ENOX1: variants seen among roughly 807,000 people sequenced by gnomAD.
The protein encoded by ENOX1 is candidate growth-related and time keeping constitutive hydroquinone (NADH) oxidase.
In ENOX1, 42 loss-of-function variants were observed where a neutral mutation model predicts 82.5. That is an observed-to-expected ratio of 0.51 (90% CI 0.40 to 0.66). ENOX1 has a LOEUF of 0.66. ENOX1 is among the 30% of genes least tolerant of loss of function. ENOX1 has a pLI of 0.00. For synonymous variants in ENOX1, 271 were observed against 282.2 expected (o/e 0.96, Z 0.40); for missense variants, 608 against 811.6 (o/e 0.75, Z 3.05).
At chr13:43,739,789 A>C (rs2089813989) in intron 1 of ENOX1, among the ~76,000 whole-genome samples, 1 of 151,878 alleles carries the variant, frequency 6.6e-6, no homozygotes, top group South Asian at 2.1e-4. Context: ...CATGGGTCTG[A>C]ACTGCACGGG....
intron 9 of ENOX1, among the ~76,000 whole-genome samples, chr13:43,336,101 A>G (rs1276511308): frequency 6.6e-6 from 1 of 152,252 alleles, no homozygotes; most frequent in African/African-American, 2.4e-5. Context: ...TGCTACAGAC[A>G]TGGGCAAACA....
At chr13:43,627,490 G>A (rs1399005076) in intron 2 of ENOX1, among the ~76,000 whole-genome samples, 1 of 151,950 alleles carries the variant, frequency 6.6e-6, no homozygotes, top group African/African-American at 2.4e-5. Context: ...CATTTTATCA[G>A]TTTGAGTGAA....
chr13:43,720,633 A>G (rs985505757), intron 1 of ENOX1, among the ~76,000 whole-genome samples: 4 of 152,208 alleles, frequency 2.6e-5, no homozygotes. Context: ...ATTTTCAAGA[A>G]CTTTATTTTT....
intron 5 of ENOX1, among the ~76,000 whole-genome samples, chr13:43,381,978 C>G (rs1566082054): frequency 6.6e-6 from 1 of 152,006 alleles, no homozygotes; most frequent in Non-Finnish European, 1.5e-5. Flanking sequence ...ACAAACTCTT[C>G]CAGAAAATTA....
At chr13:43,470,728 T>C (rs1041827914) in intron 3 of ENOX1, among the ~76,000 whole-genome samples, 23 of 151,852 alleles carry the variant, frequency 1.5e-4, no homozygotes, top group African/African-American at 4.4e-4. Flanking sequence ...ATGAACACTT[T>C]ACAGAGAAAA....
chr13:43,255,520 A>G (rs570759320), intron 14 of ENOX1, among the ~76,000 whole-genome samples: 26 of 152,304 alleles, frequency 1.7e-4, no homozygotes, highest in Admixed American at 1.4e-3. Context: ...ATGATCTTAT[A>G]TTTAGAAAAC....
At chr13:43,678,843 C>G (rs1215025041) in intron 1 of ENOX1, among the ~76,000 whole-genome samples, 2 of 152,140 alleles carry the variant, frequency 1.3e-5, no homozygotes, top group Non-Finnish European at 2.9e-5. Flanking sequence ...TAAGACCAAC[C>G]TTGATAATGG....
chr13:43,712,608 A>T (rs1376066819), intron 1 of ENOX1, among the ~76,000 whole-genome samples: 1 of 149,794 alleles, frequency 6.7e-6, no homozygotes, highest in Non-Finnish European at 1.5e-5. Context: ...GGTGGTTTGT[A>T]GTTCTCCTTG....
At chr13:43,616,923 T>TAAAC (rs899660134) in intron 2 of ENOX1, among the ~76,000 whole-genome samples, 10 of 17,184 alleles carry the variant, frequency 5.8e-4, no homozygotes, top group Non-Finnish European at 1.7e-3. Flanking sequence ...GTAAAACAAG[T>TAAAC]AAACACACAC....
intron 1 of ENOX1, among the ~76,000 whole-genome samples, chr13:43,743,613 C>T (rs1305136820): frequency 1.3e-5 from 2 of 152,144 alleles, no homozygotes; most frequent in African/African-American, 4.8e-5. Flanking sequence ...TTTGAAGAGA[C>T]TTGATCTTCC....
At chr13:43,670,925 T>A (rs954819974) in intron 1 of ENOX1, among the ~76,000 whole-genome samples, 1 of 152,052 alleles carries the variant, frequency 6.6e-6, no homozygotes, top group Non-Finnish European at 1.5e-5. Context: ...ATAATGCATT[T>A]TGAAAATTTC....
intron 2 of ENOX1, among the ~76,000 whole-genome samples, chr13:43,632,350 A>G (rs2083251728): frequency 6.6e-6 from 1 of 151,838 alleles, no homozygotes; most frequent in East Asian, 1.9e-4. Flanking sequence ...AAAATCATAT[A>G]TATTCATCAA....
chr13:43,640,884 GCACACACA>G (rs1566688826), intron 2 of ENOX1, among the ~76,000 whole-genome samples: 160 of 132,494 alleles, frequency 1.2e-3, no homozygotes, highest in Non-Finnish European at 2.1e-3. Flanking sequence ...ACACACACGC[GCACACACA>G]CACGTACACA....
intron 2 of ENOX1, among the ~76,000 whole-genome samples, chr13:43,501,468 A>G (rs1483706431): frequency 3.3e-5 from 5 of 151,782 alleles, no homozygotes; most frequent in African/African-American, 1.2e-4. Flanking sequence ...CATTGTTCTC[A>G]AGTGCATATA....
chr13:43,781,869 A>C (rs1348090070), intron 1 of ENOX1, among the ~76,000 whole-genome samples: 2 of 152,212 alleles, frequency 1.3e-5, no homozygotes, highest in Admixed American at 1.3e-4. Flanking sequence ...ATGTGGAAGT[A>C]TATGTGTACC....
chr13:43,254,435 T>C (rs928482912), intron 14 of ENOX1, among the ~76,000 whole-genome samples: 3 of 152,318 alleles, frequency 2.0e-5, no homozygotes, highest in Middle Eastern at 3.4e-3. Context: ...ATGGGCTGTT[T>C]ATTTCATTAT....
At chr13:43,530,419 T>A (rs930012723) in intron 2 of ENOX1, among the ~76,000 whole-genome samples, 3 of 152,104 alleles carry the variant, frequency 2.0e-5, no homozygotes, top group Admixed American at 6.6e-5. Context: ...TTTCTTCACA[T>A]AGAGCTAGCT....
chr13:43,749,019 A>T (rs1004561926), intron 1 of ENOX1, among the ~76,000 whole-genome samples: 4 of 152,198 alleles, frequency 2.6e-5, no homozygotes, highest in Non-Finnish European at 5.9e-5. Flanking sequence ...TATCTATGCC[A>T]TAGGGTTGTT....
intron 2 of ENOX1, among the ~76,000 whole-genome samples, chr13:43,505,590 T>C (rs1205205765): frequency 6.6e-6 from 1 of 152,004 alleles, no homozygotes; most frequent in African/African-American, 2.4e-5. Flanking sequence ...TCGCCCACTT[T>C]TTGATGGGGT....
Sources: gnomAD v4.1 joint callset for allele counts (sites outside exome capture counted in the v4.1 genomes callset) on GRCh38, gnomAD v4.1.1 for gene constraint, MANE v1.5 for transcripts, NCBI Gene and HGNC (gene_info 2026-07-23, HGNC 2026-07-21) for gene names.